The following CADM2 variants were observed in gnomAD, a reference collection of about 807,000 sequenced individuals.
CADM2 encodes the protein cell adhesion molecule 2, also known as immunoglobulin superfamily member 4D.
A neutral mutation model predicts 49.8 loss-of-function variants in CADM2; 12 were observed. The ratio of observed to expected loss-of-function variants is 0.24; its 90% CI spans 0.15 to 0.39. The LOEUF is 0.39. Among genes scored for constraint, CADM2 ranks in the 10% least tolerant of loss-of-function variants. The pLI, the probability that CADM2 is intolerant of heterozygous loss-of-function variation, is 1.00. For synonymous variants in CADM2, 214 were observed against 175.4 expected (o/e 1.22, Z -1.74); for missense variants, 378 against 492.3 (o/e 0.77, Z 2.20).
At chr3:85,293,622 G>C (rs1230861441) in intron 1 of CADM2, among the ~76,000 whole-genome samples, 1 of 120,872 alleles carries the variant, frequency 8.3e-6, no homozygotes, top group Non-Finnish European at 1.7e-5. Context: ...TGGGATGCAA[G>C]GCTGGTTCAA....
intron 1 of CADM2, among the ~76,000 whole-genome samples, chr3:85,513,983 A>T (rs1282268640): frequency 6.6e-6 from 1 of 152,058 alleles, no homozygotes; most frequent in East Asian, 1.9e-4. Context: ...TCTTTGCTCA[A>T]ACAAATGTCT....
At chr3:85,604,217 C>T (rs942947924) in intron 1 of CADM2, among the ~76,000 whole-genome samples, 1 of 151,792 alleles carries the variant, frequency 6.6e-6, no homozygotes, top group Non-Finnish European at 1.5e-5. Flanking sequence ...AATGCTTACA[C>T]AGGGAACTAG....
chr3:85,308,835 T>C, intron 1 of CADM2, among the ~76,000 whole-genome samples: 1 of 152,078 alleles, frequency 6.6e-6, no homozygotes, highest in African/African-American at 2.4e-5. Flanking sequence ...CCCTACCAAG[T>C]AAGATAGGCA....
At chr3:85,692,983 G>A (rs564739116) in intron 1 of CADM2, among the ~76,000 whole-genome samples, 2 of 151,638 alleles carry the variant, frequency 1.3e-5, no homozygotes, top group Non-Finnish European at 2.9e-5. Flanking sequence ...TAATCCCAGC[G>A]CTTTGTGAGG....
intron 1 of CADM2, among the ~76,000 whole-genome samples, chr3:85,661,877 G>T (rs1216578206): frequency 6.6e-6 from 1 of 151,950 alleles, no homozygotes; most frequent in African/African-American, 2.4e-5. Context: ...ATTTCAGGTA[G>T]AGACAGTAAA....
chr3:85,099,757 A>G (rs2037941272), intron 1 of CADM2, among the ~76,000 whole-genome samples: 1 of 152,172 alleles, frequency 6.6e-6, no homozygotes, highest in Non-Finnish European at 1.5e-5. Flanking sequence ...GGCATGAGCC[A>G]CCGCGCCTGG....
chr3:86,007,046 T>C, intron 8 of CADM2, among the ~76,000 whole-genome samples: 1 of 151,550 alleles, frequency 6.6e-6, no homozygotes, highest in East Asian at 1.9e-4. Flanking sequence ...TCTCAAAAAA[T>C]AAAAAATAAA....
chr3:84,976,890 A>G (rs1267488021), intron 1 of CADM2, among the ~76,000 whole-genome samples: 1 of 151,916 alleles, frequency 6.6e-6, no homozygotes, highest in Non-Finnish European at 1.5e-5. Flanking sequence ...TCATCTTGCC[A>G]CATTTTATCA....
intron 1 of CADM2, among the ~76,000 whole-genome samples, chr3:85,311,385 A>ATTT (rs4053317): frequency 7.9e-4 from 115 of 146,200 alleles, no homozygotes; most frequent in African/African-American, 2.6e-3. Context: ...TATTATTATT[A>ATTT]TTTTTTTTGA....
chr3:85,879,714 G>A (rs1712454819), intron 3 of CADM2, among the ~76,000 whole-genome samples: 1 of 152,102 alleles, frequency 6.6e-6, no homozygotes, highest in Admixed American at 6.6e-5. Context: ...ATAATAGAGA[G>A]CTCTTGTGTA....
At chr3:85,816,327 T>C (rs1257067880) in intron 3 of CADM2, among the ~76,000 whole-genome samples, 1 of 152,082 alleles carries the variant, frequency 6.6e-6, no homozygotes, top group Non-Finnish European at 1.5e-5. Flanking sequence ...ACTGTTCCAG[T>C]TTCAACATTC....
chr3:85,362,145 A>G (rs769798673), intron 1 of CADM2, among the ~76,000 whole-genome samples: 4 of 152,324 alleles, frequency 2.6e-5, no homozygotes, highest in Non-Finnish European at 5.9e-5. Context: ...AATTAGGCAT[A>G]TGGAATATCT....
Position 86,014,604 on chromosome 3 carries a change from C to A in CADM2, c.971-51001C>A, listed in dbSNP as rs369383034. 10 of 1,599,636 alleles carry A rather than the reference C, an allele frequency of 6.3e-6. No homozygotes were observed. The South Asian group carries it at 8.9e-5, about 14-fold the overall frequency. On this transcript the variant is annotated intron_variant, in intron 8 of 9. Transcript: ENST00000383699. ...AACAGTGGAGCACATTATTCAGGAA[C>A]TTAAAGATATATTCTTAGAACAGCA...
At chr3:85,497,633 T>C (rs2039958715) in intron 1 of CADM2, among the ~76,000 whole-genome samples, 1 of 152,118 alleles carries the variant, frequency 6.6e-6, no homozygotes, top group African/African-American at 2.4e-5. Context: ...GAAAATCATC[T>C]TTAAAACTTA....
chr3:85,345,564 A>G (rs1283940297), intron 1 of CADM2, among the ~76,000 whole-genome samples: 1 of 152,080 alleles, frequency 6.6e-6, no homozygotes, highest in Non-Finnish European at 1.5e-5. Flanking sequence ...CCAAAAAACC[A>G]ATATTGTGGA....
intron 3 of CADM2, among the ~76,000 whole-genome samples, chr3:85,866,162 G>A (rs1470687074): frequency 6.6e-6 from 1 of 151,850 alleles, no homozygotes; most frequent in African/African-American, 2.4e-5. Context: ...AATGATAGAA[G>A]AAAAACCCCG....
chr3:85,972,926 GGAT>G (rs1726321755), intron 8 of CADM2, among the ~76,000 whole-genome samples: 1 of 151,602 alleles, frequency 6.6e-6, no homozygotes, highest in African/African-American at 2.4e-5. Context: ...GTTTTTAATT[GGAT>G]GATATTATTT....
At position 85,631,786 on chromosome 3, in the gene CADM2, G is replaced by A. The variant is rs141478258; in HGVS notation, c.62-94736G>A. Among the ~76,000 whole-genome samples, 1,201 of 151,986 alleles carry A rather than the reference G, an allele frequency of 7.9e-3. 15 individuals are homozygous for A. Among genetic ancestry groups the A allele is most frequent in the African/African-American group, 0.028 (1,163 of 41,450 alleles). On this transcript the variant is annotated intron_variant, in intron 1 of 9. Coordinates refer to ENST00000383699, the MANE Select transcript of CADM2 (RefSeq NM_001167675.2). ...TTTTTTAAAAGTAAAAACAAAATGAGGCTTTGGAACAATCAATATTTACCA... is the reference window on the plus strand; with the variant it reads ...TTTTTTAAAAGTAAAAACAAAATGAAGCTTTGGAACAATCAATATTTACCA...
intron 1 of CADM2, among the ~76,000 whole-genome samples, chr3:84,990,369 T>G (rs1018633371): frequency 2.0e-5 from 3 of 151,790 alleles, no homozygotes; most frequent in African/African-American, 7.2e-5. Flanking sequence ...ACTGTTTTGT[T>G]GAATTCTAAA....
Sources: gnomAD v4.1 joint callset for allele counts (sites outside exome capture counted in the v4.1 genomes callset) on GRCh38, gnomAD v4.1.1 for gene constraint, MANE v1.5 for transcripts, NCBI Gene and HGNC (gene_info 2026-07-23, HGNC 2026-07-21) for gene names.